PDLIM5: variants seen among roughly 807,000 people sequenced by gnomAD.
PDLIM5 encodes the protein PDZ and LIM domain 5, also known as PDZ and LIM domain protein 5.
Under a neutral mutation model 64.2 loss-of-function variants are expected in PDLIM5, and 34 were observed. The observed-to-expected ratio is 0.53, with a 90% CI of 0.40 to 0.71. PDLIM5 has a LOEUF of 0.71. Among genes scored for constraint, PDLIM5 ranks in the 30% least tolerant of loss-of-function variants. The probability of loss-of-function intolerance (pLI) is 0.00; values close to 1 mark genes in which losing one functional copy is unlikely to be tolerated. For missense variants in PDLIM5, 683 were observed against 733.6 expected (o/e 0.93, Z 0.80); for synonymous variants, 253 against 269.1 (o/e 0.94, Z 0.59).
chr4:94,524,368 CAAAAAA>C lies in PDLIM5; in HGVS notation c.248+514_248+519del, dbSNP rs34215993. Among the ~76,000 whole-genome samples the C allele has an allele frequency of 5.6e-3, 435 of 77,214 alleles. 1 individual carries two copies. The highest frequency in any genetic ancestry group is 0.017 in the African/African-American group (403 of 24,352). 50.7% of individuals were successfully genotyped at this position (77,214 alleles called of 152,430 possible). On this transcript the variant is annotated intron_variant, in intron 3 of 12. Coordinates refer to ENST00000317968, the MANE Select transcript of PDLIM5 (RefSeq NM_006457.5). The stretch of plus-strand genomic sequence containing the variant: ...TGGGTGACAGAACGAGACCCTGTCT[CAAAAAA>C]AAAAAAAAAAAAAAAAAAAATTGTG...
intron 2 of PDLIM5, among the ~76,000 whole-genome samples, chr4:94,476,317 T>C (rs1725319040): frequency 1.3e-5 from 2 of 152,196 alleles, no homozygotes; most frequent in African/African-American, 4.8e-5. Context: ...CCTAAAGAAT[T>C]GTTATATTTT....
intron 11 of PDLIM5, among the ~76,000 whole-genome samples, chr4:94,657,906 A>C (rs987972548): frequency 6.6e-6 from 1 of 152,102 alleles, no homozygotes; most frequent in African/African-American, 2.4e-5. Flanking sequence ...GGGTTTCGTC[A>C]TGTTGGCCCG....
At chr4:94,550,933 A>C (rs568708370) in intron 3 of PDLIM5, among the ~76,000 whole-genome samples, 1 of 152,258 alleles carries the variant, frequency 6.6e-6, no homozygotes, top group South Asian at 2.1e-4. Context: ...AAATAGATAC[A>C]GAAAGAAGTA....
chr4:94,505,383 C>T (rs934746257), intron 2 of PDLIM5, among the ~76,000 whole-genome samples: 2 of 152,242 alleles, frequency 1.3e-5, no homozygotes, highest in South Asian at 2.1e-4. Flanking sequence ...CTCAACTACC[C>T]GAGTAGCTGG....
chr4:94,501,429 A>G (rs1191329168), intron 2 of PDLIM5, among the ~76,000 whole-genome samples: 1 of 152,120 alleles, frequency 6.6e-6, no homozygotes, highest in Admixed American at 6.5e-5. Context: ...TTGCTGTTCC[A>G]GTGTAGTGCT....
chr4:94,609,764 A>G (rs72878481), intron 7 of PDLIM5, among the ~76,000 whole-genome samples: 9,730 of 152,188 alleles, frequency 0.064, 1,078 homozygotes, highest in African/African-American at 0.22. Flanking sequence ...TTGTATAGAG[A>G]CTTTTTGGGA....
At chr4:94,553,781 A>C (rs1249426074) in intron 3 of PDLIM5, among the ~76,000 whole-genome samples, 1 of 152,222 alleles carries the variant, frequency 6.6e-6, no homozygotes, top group East Asian at 1.9e-4. Flanking sequence ...TGCATGTTTG[A>C]AATCCATTTC....
intron 3 of PDLIM5, among the ~76,000 whole-genome samples, chr4:94,534,201 A>G (rs1396287831): frequency 6.6e-6 from 1 of 152,226 alleles, no homozygotes; most frequent in Non-Finnish European, 1.5e-5. Flanking sequence ...TCAGAAAGAC[A>G]AACAAAAATG....
chr4:94,657,662 G>A (rs988107738), intron 11 of PDLIM5, 115 bp downstream of exon 11: 13 of 772,674 alleles, frequency 1.7e-5, no homozygotes, highest in African/African-American at 3.5e-5. Flanking sequence ...TAATTGTTTT[G>A]GAAGCATTTA....
chr4:94,483,324 C>T (rs1442063495), intron 2 of PDLIM5, among the ~76,000 whole-genome samples: 2 of 152,052 alleles, frequency 1.3e-5, no homozygotes, highest in Non-Finnish European at 2.9e-5. Flanking sequence ...AAATTTTCAG[C>T]ATTATATAAA....
In PDLIM5 at chr4:94,510,314, CAA is replaced by C. The variant is rs560679402; in HGVS notation, c.97-13409_97-13408del. ...AAATACCCATGTTTGCTGGATAAGA[CAA>C]GAGGAAATTATTTGGAAGATCTGTG... On this transcript the variant is annotated intron_variant, in intron 2 of 12. Transcript: ENST00000317968. 4.3e-4 allele frequency among the ~76,000 whole-genome samples: 65 copies of C among 152,190 alleles called. No individual in the cohort carries two copies. In the South Asian group the frequency reaches 0.01, roughly 24 times the overall value.
chr4:94,465,294 C>T (rs899801763), intron 2 of PDLIM5, among the ~76,000 whole-genome samples: 3 of 152,080 alleles, frequency 2.0e-5, no homozygotes, highest in African/African-American at 4.8e-5. Flanking sequence ...AATATGCTAA[C>T]GTTTATTGAT....
Position 94,666,177 on chromosome 4 carries a change from T to A in PDLIM5, c.*2110T>A. 1.7e-6 allele frequency: 1 copy of A among 595,950 alleles called. No homozygotes were observed. Among genetic ancestry groups the A allele is most frequent in the Non-Finnish European group, 2.8e-6 (1 of 356,700 alleles). 36.9% of individuals were successfully genotyped at this position (595,950 alleles called of 1,614,324 possible). Reference sequence around the variant, plus strand: ...GTGTGCATGTTTGTTATAGAGGAGGTTTTAGGCTACAATATTTGTTTAACC... The same window carrying A: ...GTGTGCATGTTTGTTATAGAGGAGGATTTAGGCTACAATATTTGTTTAACC... On this transcript the variant is annotated 3_prime_UTR_variant, in exon 13 of 13. Transcript: ENST00000317968.
Position 94,667,477 on chromosome 4 carries a change from T to G in PDLIM5, c.*3410T>G, listed in dbSNP as rs1743131668. On this transcript the variant is annotated 3_prime_UTR_variant, in exon 13 of 13. Coordinates refer to ENST00000317968, the MANE Select transcript of PDLIM5 (RefSeq NM_006457.5). Reference sequence around the variant, plus strand: ...CAAAGCATTTACATTGTATTAGCTATTATAGGTAATCTAGAGATGATTTAA... The same window carrying G: ...CAAAGCATTTACATTGTATTAGCTAGTATAGGTAATCTAGAGATGATTTAA... 1 of 152,206 alleles carries G rather than the reference T, an allele frequency of 6.6e-6. No homozygotes were observed. The highest frequency in any genetic ancestry group is 2.4e-5 in the African/African-American group (1 of 41,446). The allele number at this position is 152,206 out of a possible 1,614,324, so 9.4% of individuals were successfully genotyped here. A position where few individuals can be genotyped will look rare whatever the true frequency, so the allele number is the denominator to read the frequency against.
intron 2 of PDLIM5, among the ~76,000 whole-genome samples, chr4:94,514,341 A>G (rs917334662): frequency 4.0e-5 from 6 of 151,820 alleles, no homozygotes; most frequent in African/African-American, 1.2e-4. Flanking sequence ...TCACCATGTT[A>G]GCCAGGATGG....
At chr4:94,543,472 A>G (rs1050818319) in intron 3 of PDLIM5, among the ~76,000 whole-genome samples, 1 of 152,110 alleles carries the variant, frequency 6.6e-6, no homozygotes, top group Non-Finnish European at 1.5e-5. Context: ...TCTCTCAGCA[A>G]TTATCAAGAA....
rs535132707 is a variant in PDLIM5 at position 94,553,003 on chromosome 4, C to CT, written c.249-20341dup. On this transcript the variant is annotated intron_variant, in intron 3 of 12. Coordinates refer to ENST00000317968, the MANE Select transcript of PDLIM5 (RefSeq NM_006457.5). ...AATACAAGAAAAACCCCAGTCGTTT[C>CT]TTTTTTTGCCCCTCCCCTTACCTGG... 1.8e-4 allele frequency among the ~76,000 whole-genome samples: 26 copies of CT among 148,514 alleles called. 1 individual carries two copies. In the South Asian group the frequency reaches 4.9e-3, roughly 28 times the overall value.
chr4:94,568,044 A>G (rs1452631681), intron 3 of PDLIM5, among the ~76,000 whole-genome samples: 1 of 152,216 alleles, frequency 6.6e-6, no homozygotes, highest in African/African-American at 2.4e-5. Flanking sequence ...TGAACATATT[A>G]TAATTAGGGC....
intron 4 of PDLIM5, among the ~76,000 whole-genome samples, chr4:94,574,591 A>T (rs1735091261): frequency 6.6e-6 from 1 of 151,224 alleles, no homozygotes; most frequent in Non-Finnish European, 1.5e-5. Context: ...CAAAAATTTG[A>T]TTTTTTCTTT....
Sources: allele counts gnomAD v4.1 joint callset (sites outside exome capture counted in the v4.1 genomes callset), GRCh38; gene constraint gnomAD v4.1.1; transcripts MANE v1.5; gene names NCBI Gene and HGNC (gene_info 2026-07-23, HGNC 2026-07-21).